The following RTL4 variants were observed in gnomAD, a reference collection of about 807,000 sequenced individuals.
The protein encoded by RTL4 is retrotransposon Gag like 4, also known as retrotransposon Gag-like protein 4.
Under a neutral mutation model 5.3 loss-of-function variants are expected in RTL4, and 4 were observed. The ratio of observed to expected loss-of-function variants is 0.75; its 90% CI spans 0.37 to 1.72. RTL4 has a LOEUF of 1.72. RTL4 is among the 40% of genes most tolerant of loss of function. The pLI is 0.04. For synonymous variants in RTL4, 98 were observed against 87.3 expected (o/e 1.12, Z -0.68); for missense variants, 260 against 227.1 (o/e 1.14, Z -0.93).
the RTL4 span, among the ~76,000 whole-genome samples, chrX:112,335,555 T>A: frequency 1.3e-4 from 14 of 111,319 alleles, no homozygotes; most frequent in African/African-American, 4.5e-4. Context: ...AGGCTAAGTA[T>A]TTTCTTTTGC....
the RTL4 span, among the ~76,000 whole-genome samples, chrX:112,327,538 C>T: frequency 9.2e-6 from 1 of 109,157 alleles, no homozygotes; most frequent in Non-Finnish European, 1.9e-5. Context: ...GATTGGTGTA[C>T]CTGAAAGTGA....
the RTL4 span, among the ~76,000 whole-genome samples, chrX:112,278,190 A>G: frequency 1.8e-5 from 2 of 112,506 alleles, no homozygotes; most frequent in Non-Finnish European, 3.8e-5. Flanking sequence ...TGCATATGTA[A>G]CCTAACAATC....
the RTL4 span, among the ~76,000 whole-genome samples, chrX:112,388,923 T>G: frequency 8.9e-6 from 1 of 111,984 alleles, no homozygotes; most frequent in African/African-American, 3.3e-5. Flanking sequence ...GATACTGGCA[T>G]TGTAGAATGA....
the RTL4 span, among the ~76,000 whole-genome samples, chrX:112,393,147 C>CTTTTTTTTTTTTGTTT: frequency 8.6e-5 from 7 of 81,483 alleles, no homozygotes; most frequent in Admixed American, 1.3e-4. Flanking sequence ...TTCTTTCTTT[C>CTTTTTTTTTTTTGTTT]TTTTTTTTTT....
the RTL4 span, among the ~76,000 whole-genome samples, chrX:112,212,128 G>A: frequency 5.3e-5 from 6 of 112,592 alleles, no homozygotes. Flanking sequence ...TGTAATCCCA[G>A]CACTTTGGGA....
chrX:112,256,874 C>A, the RTL4 span, among the ~76,000 whole-genome samples: 1 of 111,766 alleles, frequency 8.9e-6, no homozygotes, highest in Admixed American at 9.5e-5. Context: ...GTATATCCAG[C>A]AATCTTTTAG....
chrX:112,118,834 T>A, the RTL4 span, among the ~76,000 whole-genome samples: 8 of 111,566 alleles, frequency 7.2e-5, no homozygotes, highest in African/African-American at 2.6e-4. Flanking sequence ...ATTTTTATGA[T>A]GAAAATGGAT....
At chrX:112,293,108 G>A in the RTL4 span, among the ~76,000 whole-genome samples, 88 of 112,081 alleles carry the variant, frequency 7.9e-4, no homozygotes, top group Non-Finnish European at 1.5e-3. Flanking sequence ...TATGATTCTT[G>A]TTTTCTCTTT....
At chrX:112,155,568 A>C in the RTL4 span, among the ~76,000 whole-genome samples, 1 of 111,068 alleles carries the variant, frequency 9.0e-6, no homozygotes, top group Non-Finnish European at 1.9e-5. Flanking sequence ...TAGCCTGCTG[A>C]TCTTCACCAT....
At chrX:112,423,358 A>G in the RTL4 span, among the ~76,000 whole-genome samples, 1 of 110,693 alleles carries the variant, frequency 9.0e-6, no homozygotes, top group South Asian at 3.9e-4. Context: ...CATAGATTCT[A>G]TTGGTCAATA....
At chrX:112,275,788 A>G in the RTL4 span, among the ~76,000 whole-genome samples, 1 of 111,182 alleles carries the variant, frequency 9.0e-6, no homozygotes, top group African/African-American at 3.3e-5. Context: ...AATGAAGATT[A>G]GCCAGATGTG....
At chrX:112,312,960 T>C in the RTL4 span, among the ~76,000 whole-genome samples, 3,796 of 111,018 alleles carry the variant, frequency 0.034, 61 homozygotes, top group Non-Finnish European at 0.051. Flanking sequence ...TAGTAACATG[T>C]TCTAGATAGC....
the RTL4 span, among the ~76,000 whole-genome samples, chrX:112,267,792 C>G: frequency 9.1e-6 from 1 of 110,429 alleles, no homozygotes; most frequent in Non-Finnish European, 1.9e-5. Context: ...CCCACCCCAC[C>G]CTGTTTATCT....
chrX:112,400,647 A>G, the RTL4 span, among the ~76,000 whole-genome samples: 28,010 of 110,768 alleles, frequency 0.25, 2,724 homozygotes, highest in Admixed American at 0.36. Context: ...ATATTTCTCT[A>G]TTTTGATAGT....
chrX:112,360,686 C>A, the RTL4 span, among the ~76,000 whole-genome samples: 1 of 110,458 alleles, frequency 9.1e-6, no homozygotes, highest in Middle Eastern at 4.6e-3. Context: ...AAACTCATTT[C>A]ACCATTTTTA....
the RTL4 span, among the ~76,000 whole-genome samples, chrX:112,344,099 G>C: frequency 8.9e-6 from 1 of 111,922 alleles, no homozygotes; most frequent in East Asian, 2.8e-4. Flanking sequence ...CTTAACATTT[G>C]TTAAATTTAT....
chrX:112,248,439 C>T, the RTL4 span, among the ~76,000 whole-genome samples: 1 of 112,151 alleles, frequency 8.9e-6, no homozygotes, highest in Admixed American at 9.5e-5. Context: ...TAAACCAAAA[C>T]ACAATTTCCT....
the RTL4 span, among the ~76,000 whole-genome samples, chrX:112,330,266 G>A: frequency 1.8e-5 from 2 of 108,143 alleles, no homozygotes; most frequent in African/African-American, 3.5e-5. Context: ...AAACCCCATT[G>A]TCTCAGCCCA....
At chrX:112,236,091 C>T in the RTL4 span, among the ~76,000 whole-genome samples, 16,512 of 109,362 alleles carry the variant, frequency 0.15, 879 homozygotes, top group Non-Finnish European at 0.17. Context: ...GCAAAGTTGG[C>T]CCAAGTGCCA....
Sources: allele counts gnomAD v4.1 joint callset (sites outside exome capture counted in the v4.1 genomes callset), GRCh38; gene constraint gnomAD v4.1.1; transcripts MANE v1.5; gene names NCBI Gene and HGNC (gene_info 2026-07-23, HGNC 2026-07-21).